The following MGAT5 variants were observed in gnomAD, a reference collection of about 807,000 sequenced individuals.
MGAT5 encodes the protein alpha-1,6-mannosylglycoprotein 6-beta-N-acetylglucosaminyltransferase A.
In MGAT5, 30 loss-of-function variants were observed where a neutral mutation model predicts 94.3. The observed-to-expected ratio is 0.32, with a 90% CI of 0.24 to 0.43. The LOEUF (loss-of-function observed/expected upper bound fraction) is 0.43. MGAT5 is among the 20% of genes least tolerant of loss of function. The probability of loss-of-function intolerance (pLI) is 1.00; values close to 1 mark genes in which losing one functional copy is unlikely to be tolerated. For synonymous variants in MGAT5, 310 were observed against 322.9 expected, an observed-to-expected ratio of 0.96 and a Z score of 0.43; for missense variants, 691 against 905.5, an observed-to-expected ratio of 0.76 and a Z score of 3.04.
intron 12 of MGAT5, among the ~76,000 whole-genome samples, chr2:134,416,218 C>T (rs578132776): frequency 6.6e-6 from 1 of 152,308 alleles, no homozygotes; most frequent in Admixed American, 6.5e-5. Flanking sequence ...GCAACCATCA[C>T]TGCTATCCAT....
intron 1 of MGAT5, among the ~76,000 whole-genome samples, chr2:134,205,790 G>T (rs1368812683): frequency 1.3e-5 from 2 of 152,160 alleles, no homozygotes; most frequent in East Asian, 3.9e-4. Context: ...CAGAGCCCAG[G>T]GGTGTCCCAA....
chr2:134,198,259 G>A (rs1558983372), intron 1 of MGAT5, among the ~76,000 whole-genome samples: 1 of 152,174 alleles, frequency 6.6e-6, no homozygotes, highest in Non-Finnish European at 1.5e-5. Flanking sequence ...TGCCCTCCCT[G>A]AACTTTGCCA....
chr2:134,240,192 G>T (rs906105274), intron 1 of MGAT5, among the ~76,000 whole-genome samples: 1 of 152,048 alleles, frequency 6.6e-6, no homozygotes, highest in African/African-American at 2.4e-5. Context: ...TATATTTAAG[G>T]TCAAATACTC....
In MGAT5 at chr2:134,317,542, A is replaced by G; in HGVS notation, c.420A>G (p.Gly140=). The G allele has an allele frequency of 6.4e-7, 1 of 1,568,892 alleles. No homozygotes were observed. Among genetic ancestry groups the G allele is most frequent in the Non-Finnish European group, 8.6e-7 (1 of 1,159,284 alleles). The change falls in exon 3 of 16, where the codon GGA becomes GGG. Residue 140 remains glycine (G), a synonymous_variant. Coordinates refer to ENST00000281923, the MANE Select transcript of MGAT5 (RefSeq NM_002410.5). ...EKINVADIIN[G]AQEKCVLPPM... ...CATTCTTCACAGATATCATTAACGG[A>G]GCTCAAGAAAAATGTGTATTGCCTC...
At chr2:134,322,025 C>G (rs954776032) in intron 4 of MGAT5, among the ~76,000 whole-genome samples, 3 of 152,116 alleles carry the variant, frequency 2.0e-5, no homozygotes, top group Admixed American at 6.5e-5. Context: ...TAGAGTCACA[C>G]CTGACATCAG....
intron 10 of MGAT5, among the ~76,000 whole-genome samples, chr2:134,401,267 C>G (rs1390656676): frequency 6.6e-6 from 1 of 152,208 alleles, no homozygotes; most frequent in Non-Finnish European, 1.5e-5. Flanking sequence ...AACTTGTTAT[C>G]TGGCTCGTAA....
chr2:134,146,570 A>T (rs571397130), intron 1 of MGAT5, among the ~76,000 whole-genome samples: 1 of 151,424 alleles, frequency 6.6e-6, no homozygotes, highest in South Asian at 2.1e-4. Context: ...AAAAAAAAAA[A>T]TTGATTAGGC....
intron 12 of MGAT5, among the ~76,000 whole-genome samples, chr2:134,418,640 A>G (rs1684108010): frequency 6.6e-6 from 1 of 152,220 alleles, no homozygotes; most frequent in Admixed American, 6.5e-5. Context: ...GAAATAGCTA[A>G]GTGAATTCAG....
At chr2:134,175,156 A>C (rs1688400559) in intron 1 of MGAT5, among the ~76,000 whole-genome samples, 1 of 152,216 alleles carries the variant, frequency 6.6e-6, no homozygotes, top group South Asian at 2.1e-4. Context: ...TGCTGCATCT[A>C]ATCAGGATTC....
chr2:134,351,956 CCTCA>C (rs1353640260), intron 9 of MGAT5, among the ~76,000 whole-genome samples: 1 of 152,130 alleles, frequency 6.6e-6, no homozygotes, highest in East Asian at 1.9e-4. Context: ...AAGATGTTAA[CCTCA>C]CTCACAGTAA....
At chr2:134,386,680 A>G (rs1682000458) in intron 10 of MGAT5, among the ~76,000 whole-genome samples, 1 of 152,294 alleles carries the variant, frequency 6.6e-6, no homozygotes, top group Admixed American at 6.5e-5. Flanking sequence ...AGCCCCCTCT[A>G]AAGAGCTTTC....
At chr2:134,317,415 G>A (rs2105898018) in intron 2 of MGAT5, 114 bp from the exon 3 acceptor site, 2 of 613,812 alleles carry the variant, frequency 3.3e-6, no homozygotes, top group East Asian at 6.9e-5. Context: ...GAGCATGGCT[G>A]CCAACAGAGA....
chr2:134,387,332 A>ATATATATATATATATATATATTTT, intron 10 of MGAT5, among the ~76,000 whole-genome samples: 2 of 24,262 alleles, frequency 8.2e-5, no homozygotes, highest in African/African-American at 4.0e-4. Context: ...ATATATATAT[A>ATATATATATATATATATATATTTT]TTTTTTTTTT....
intron 1 of MGAT5, among the ~76,000 whole-genome samples, chr2:134,133,776 C>T (rs962021131): frequency 1.1e-4 from 16 of 152,222 alleles, no homozygotes; most frequent in African/African-American, 3.9e-4. Context: ...AAGGGGCAGG[C>T]TTGGCGGTTG....
At chr2:134,444,177 C>A (rs1010959103) in intron 15 of MGAT5, among the ~76,000 whole-genome samples, 1 of 152,248 alleles carries the variant, frequency 6.6e-6, no homozygotes, top group African/African-American at 2.4e-5. Flanking sequence ...GAGTAGAACA[C>A]CCCTTTCTTC....
At chr2:134,404,554 C>T (rs1047732296) in intron 11 of MGAT5, among the ~76,000 whole-genome samples, 3 of 152,122 alleles carry the variant, frequency 2.0e-5, no homozygotes, top group Non-Finnish European at 2.9e-5. Flanking sequence ...CTGCTAGCCC[C>T]TTGATGTACT....
chr2:134,218,529 C>T (rs1680605860), intron 1 of MGAT5, among the ~76,000 whole-genome samples: 1 of 152,142 alleles, frequency 6.6e-6, no homozygotes, highest in Non-Finnish European at 1.5e-5. Context: ...GAGGGGTAGG[C>T]TGGCTGGATC....
At chr2:134,127,544 A>T (rs536348632) in intron 1 of MGAT5, among the ~76,000 whole-genome samples, 1 of 130,270 alleles carries the variant, frequency 7.7e-6, no homozygotes, top group South Asian at 2.8e-4. Flanking sequence ...AAAAAGAAAC[A>T]TGTAGGTCCA....
intron 1 of MGAT5, chr2:134,120,328 G>T (rs1184948477): frequency 2.6e-6 from 1 of 390,186 alleles, no homozygotes; most frequent in Non-Finnish European, 4.5e-6. Context: ...GCGTCGGAGG[G>T]AGCTCGTCAT....
Sources: gnomAD v4.1 joint callset for allele counts (sites outside exome capture counted in the v4.1 genomes callset) on GRCh38, gnomAD v4.1.1 for gene constraint, MANE v1.5 for transcripts, NCBI Gene and HGNC (gene_info 2026-07-23, HGNC 2026-07-21) for gene names.